NCAM2: variants seen among roughly 807,000 people sequenced by gnomAD.
NCAM2 encodes neural cell adhesion molecule 2.
NCAM2 carries 30 observed loss-of-function variants against 98.1 expected under a neutral mutation model. The ratio of observed to expected loss-of-function variants is 0.31; its 90% CI spans 0.23 to 0.41. NCAM2 has a LOEUF of 0.41. Among genes scored for constraint, NCAM2 ranks in the 10% least tolerant of loss-of-function variants. NCAM2 has a pLI of 1.00. For synonymous variants in NCAM2, 368 were observed against 342.4 expected (o/e 1.07, Z -0.83); for missense variants, 867 against 1,005.8 (o/e 0.86, Z 1.87).
intron 1 of NCAM2, among the ~76,000 whole-genome samples, chr21:21,229,791 A>G (rs1250985779): frequency 6.6e-6 from 1 of 151,408 alleles, no homozygotes; most frequent in African/African-American, 2.4e-5. Flanking sequence ...CTGGACTGGT[A>G]GTATGGAAGC....
At chr21:21,497,148 G>A (rs1340359600) in intron 15 of NCAM2, among the ~76,000 whole-genome samples, 1 of 152,104 alleles carries the variant, frequency 6.6e-6, no homozygotes, top group African/African-American at 2.4e-5. Flanking sequence ...TTATAACTGG[G>A]AGCTAAGTAT....
At chr21:21,395,815 G>A (rs1451297002) in intron 9 of NCAM2, among the ~76,000 whole-genome samples, 2 of 152,146 alleles carry the variant, frequency 1.3e-5, no homozygotes, top group African/African-American at 4.8e-5. Flanking sequence ...GCCACAAGTA[G>A]AAGAATGAGA....
At position 21,234,576 on chromosome 21, in the gene NCAM2, T is replaced by TA. The variant is rs920115740; in HGVS notation, c.56-45996dup. On this transcript the variant is annotated intron_variant, in intron 1 of 17. Coordinates refer to ENST00000400546, the MANE Select transcript of NCAM2 (RefSeq NM_004540.5). ...TTTCTGTGTTAAAGTGCTCAGAGAA[T>TA]AAAAAATGCTGATTTTCAATTTTAT... Among the ~76,000 whole-genome samples the TA allele has an allele frequency of 3.2e-4, 48 of 152,136 alleles. No individual in the cohort carries two copies. In the East Asian group the frequency reaches 3.3e-3, roughly 10 times the overall value.
At chr21:21,127,532 G>T (rs1485651580) in intron 1 of NCAM2, among the ~76,000 whole-genome samples, 1 of 151,824 alleles carries the variant, frequency 6.6e-6, no homozygotes, top group Non-Finnish European at 1.5e-5. Context: ...TAGCCTTATT[G>T]TGCTATCGAA....
intron 8 of NCAM2, among the ~76,000 whole-genome samples, chr21:21,357,735 G>T (rs1265576085): frequency 6.6e-6 from 1 of 151,786 alleles, no homozygotes; most frequent in East Asian, 1.9e-4. Context: ...AACCCTGAAG[G>T]TGCATTCTGG....
chr21:21,246,109 T>C (rs893800736), intron 1 of NCAM2, among the ~76,000 whole-genome samples: 6 of 152,170 alleles, frequency 3.9e-5, no homozygotes, highest in Non-Finnish European at 7.3e-5. Flanking sequence ...TTTTCCTCCC[T>C]TGCTGTCTCT....
At chr21:21,251,683 C>CT (rs1172501374) in intron 1 of NCAM2, among the ~76,000 whole-genome samples, 2 of 151,014 alleles carry the variant, frequency 1.3e-5, no homozygotes, top group African/African-American at 4.9e-5. Flanking sequence ...GGTTCTAGAT[C>CT]TTTGAGGAAT....
chr21:21,503,085 A>G (rs977777450), intron 15 of NCAM2, among the ~76,000 whole-genome samples: 1 of 151,886 alleles, frequency 6.6e-6, no homozygotes, highest in Non-Finnish European at 1.5e-5. Context: ...AATTTATACA[A>G]CAGAAACATG....
chr21:21,384,650 C>A (rs1041174876), intron 9 of NCAM2, among the ~76,000 whole-genome samples: 2 of 151,804 alleles, frequency 1.3e-5, no homozygotes, highest in Admixed American at 6.6e-5. Flanking sequence ...AAGATTATTA[C>A]CTTCTAAGTG....
intron 1 of NCAM2, among the ~76,000 whole-genome samples, chr21:21,141,138 A>G (rs2067160231): frequency 6.6e-6 from 1 of 152,216 alleles, no homozygotes; most frequent in Non-Finnish European, 1.5e-5. Context: ...ATAACACTTC[A>G]TAATTTCAAA....
chr21:21,530,237 AT>A (rs1214914512), intron 16 of NCAM2, among the ~76,000 whole-genome samples: 5 of 77,918 alleles, frequency 6.4e-5, no homozygotes, highest in African/African-American at 2.3e-4. Context: ...TATATATTTA[AT>A]TTAAATTAAT....
chr21:21,526,311 G>A (rs1358160744), intron 16 of NCAM2, among the ~76,000 whole-genome samples: 1 of 151,972 alleles, frequency 6.6e-6, no homozygotes, highest in Non-Finnish European at 1.5e-5. Context: ...CAATTAATAT[G>A]CAAAAATCAA....
At chr21:21,020,283 G>A (rs147291045) in intron 1 of NCAM2, among the ~76,000 whole-genome samples, 1,902 of 152,160 alleles carry the variant, frequency 0.013, 32 homozygotes, top group African/African-American at 0.043. Flanking sequence ...TAATCCGCCC[G>A]CCTCGGCCTC....
intron 12 of NCAM2, among the ~76,000 whole-genome samples, chr21:21,466,385 G>T (rs946528631): frequency 6.6e-6 from 1 of 151,868 alleles, no homozygotes; most frequent in South Asian, 2.1e-4. Flanking sequence ...TTGAAAGTAC[G>T]TGGCTTGGAA....
intron 1 of NCAM2, among the ~76,000 whole-genome samples, chr21:21,069,629 A>G (rs2065516064): frequency 2.6e-5 from 4 of 152,162 alleles, no homozygotes; most frequent in Non-Finnish European, 5.9e-5. Flanking sequence ...TTCCAGAAAT[A>G]AAATGTATGA....
intron 1 of NCAM2, among the ~76,000 whole-genome samples, chr21:21,115,783 T>G (rs956277970): frequency 2.0e-5 from 3 of 152,192 alleles, no homozygotes; most frequent in Non-Finnish European, 2.9e-5. Flanking sequence ...TAATTATAAG[T>G]TCAAAACAGT....
At chr21:21,413,022 G>C (rs2076919041) in intron 10 of NCAM2, among the ~76,000 whole-genome samples, 1 of 151,990 alleles carries the variant, frequency 6.6e-6, no homozygotes, top group South Asian at 2.1e-4. Flanking sequence ...TTTTCTTTAA[G>C]TATATATATT....
chr21:21,238,022 C>G (rs1261937487), intron 1 of NCAM2, among the ~76,000 whole-genome samples: 1 of 133,556 alleles, frequency 7.5e-6, no homozygotes, highest in African/African-American at 2.9e-5. Context: ...GTGGTGCAGT[C>G]TCGGTTCACT....
chr21:21,216,296 G>A (rs1334460392), intron 1 of NCAM2, among the ~76,000 whole-genome samples: 2 of 152,154 alleles, frequency 1.3e-5, no homozygotes, highest in African/African-American at 2.4e-5. Flanking sequence ...GTGAGTAAAC[G>A]GAGTATGTGG....
Sources: gnomAD v4.1 joint callset for allele counts (sites outside exome capture counted in the v4.1 genomes callset) on GRCh38, gnomAD v4.1.1 for gene constraint, MANE v1.5 for transcripts, NCBI Gene and HGNC (gene_info 2026-07-23, HGNC 2026-07-21) for gene names.